The following ASTN2 variants were observed in gnomAD, a reference collection of about 807,000 sequenced individuals.
ASTN2 encodes the protein astrotactin-2.
Under a neutral mutation model 139.8 loss-of-function variants are expected in ASTN2, and 54 were observed. That is an observed-to-expected ratio of 0.39 (90% confidence interval 0.31 to 0.48). ASTN2 has a LOEUF of 0.48. Ranked by LOEUF, ASTN2 falls within the 20% of genes least tolerant of loss-of-function variation. The pLI, the probability that ASTN2 is intolerant of heterozygous loss-of-function variation, is 0.95. For missense variants in ASTN2, 1,565 were observed against 1,725.1 expected (o/e 0.91, Z 1.64); for synonymous variants, 756 against 719.5 (o/e 1.05, Z -0.81).
intron 7 of ASTN2, among the ~76,000 whole-genome samples, chr9:117,001,822 T>A (rs1837197929): frequency 6.6e-6 from 1 of 152,172 alleles, no homozygotes; most frequent in South Asian, 2.1e-4. Context: ...TACTACACTG[T>A]GTTTTTGATA....
chr9:116,557,651 G>T (rs1239663209), intron 19 of ASTN2: 1 of 152,130 alleles, frequency 6.6e-6, no homozygotes, highest in Non-Finnish European at 1.5e-5. Context: ...GGAACCACAG[G>T]TTGGTACAGA....
At chr9:116,892,839 G>A (rs1311217868) in intron 10 of ASTN2, among the ~76,000 whole-genome samples, 1 of 151,960 alleles carries the variant, frequency 6.6e-6, no homozygotes, top group Non-Finnish European at 1.5e-5. Flanking sequence ...AAAAATAAAG[G>A]CACCCAATTA....
intron 13 of ASTN2, among the ~76,000 whole-genome samples, chr9:116,751,255 G>A (rs138256720): frequency 2.6e-4 from 39 of 152,284 alleles, no homozygotes; most frequent in East Asian, 1.5e-3. Context: ...TTCATGGGGT[G>A]GTAAAAGGAA....
At chr9:117,254,962 T>C (rs1833644564) in intron 2 of ASTN2, among the ~76,000 whole-genome samples, 1 of 152,216 alleles carries the variant, frequency 6.6e-6, no homozygotes, top group African/African-American at 2.4e-5. Flanking sequence ...TTTCAAAAAG[T>C]ACTGATATAA....
intron 20 of ASTN2, among the ~76,000 whole-genome samples, chr9:116,476,917 C>T (rs1354523718): frequency 2.0e-5 from 3 of 152,190 alleles, no homozygotes; most frequent in African/African-American, 7.2e-5. Flanking sequence ...CCTCCAGTGC[C>T]CTTCCTGGCT....
intron 16 of ASTN2, among the ~76,000 whole-genome samples, chr9:116,713,187 A>C (rs2132098956): frequency 6.6e-6 from 1 of 152,332 alleles, no homozygotes; most frequent in Non-Finnish European, 1.5e-5. Flanking sequence ...TGTTAAATTA[A>C]GGATCTTTCT....
chr9:116,706,418 G>A (rs1402817355), intron 16 of ASTN2, among the ~76,000 whole-genome samples: 1 of 152,016 alleles, frequency 6.6e-6, no homozygotes, highest in Non-Finnish European at 1.5e-5. Context: ...GTGCCTGGTG[G>A]AAGTTCAAAC....
intron 11 of ASTN2, among the ~76,000 whole-genome samples, chr9:116,857,561 T>C (rs1832772892): frequency 6.6e-6 from 1 of 152,202 alleles, no homozygotes; most frequent in African/African-American, 2.4e-5. Flanking sequence ...GCTGATGCTA[T>C]GGGGCCATTA....
intron 10 of ASTN2, among the ~76,000 whole-genome samples, chr9:116,885,376 C>G (rs376291956): frequency 6.6e-6 from 1 of 152,152 alleles, no homozygotes; most frequent in Non-Finnish European, 1.5e-5. Flanking sequence ...GACCTTATCT[C>G]AACGGAGCAC....
At chr9:117,378,891 G>C (rs1830193593) in intron 1 of ASTN2, among the ~76,000 whole-genome samples, 1 of 152,164 alleles carries the variant, frequency 6.6e-6, no homozygotes, top group Non-Finnish European at 1.5e-5. Context: ...TTCATGAATG[G>C]TTTAGCACCA....
chr9:117,235,349 C>T (rs1444782074), intron 2 of ASTN2, among the ~76,000 whole-genome samples: 1 of 152,088 alleles, frequency 6.6e-6, no homozygotes, highest in Non-Finnish European at 1.5e-5. Flanking sequence ...AATCAATCCT[C>T]ATTGGAAATC....
At chr9:117,267,744 T>C (rs1285506286) in intron 2 of ASTN2, among the ~76,000 whole-genome samples, 1 of 152,236 alleles carries the variant, frequency 6.6e-6, no homozygotes, top group South Asian at 2.1e-4. Flanking sequence ...ACTTTGTTGA[T>C]ACCTTTGCCT....
chr9:116,862,807 TACACACACACAC>T (rs751612533), intron 11 of ASTN2, among the ~76,000 whole-genome samples: 1 of 90,810 alleles, frequency 1.1e-5, no homozygotes, highest in African/African-American at 4.3e-5. Context: ...CACACACAAA[TACACACACACAC>T]ACACACACAC....
chr9:117,066,464 T>C (rs990371925), intron 5 of ASTN2, among the ~76,000 whole-genome samples: 10 of 147,722 alleles, frequency 6.8e-5, no homozygotes, highest in Middle Eastern at 3.5e-3. Context: ...TTGTGAATAA[T>C]GCTGCAATAA....
At chr9:117,298,116 C>T (rs992939659) in intron 1 of ASTN2, among the ~76,000 whole-genome samples, 2 of 152,280 alleles carry the variant, frequency 1.3e-5, no homozygotes, top group African/African-American at 4.8e-5. Context: ...GCTCAAAACC[C>T]TCCAATGTTT....
At chr9:116,712,405 T>C (rs956212231) in intron 16 of ASTN2, among the ~76,000 whole-genome samples, 8 of 152,224 alleles carry the variant, frequency 5.3e-5, no homozygotes, top group Admixed American at 5.2e-4. Context: ...ATGAGCTCTC[T>C]GAAGGCAAGG....
At chr9:117,056,538 T>C (rs76679744) in intron 5 of ASTN2, among the ~76,000 whole-genome samples, 48 of 152,268 alleles carry the variant, frequency 3.2e-4, no homozygotes, top group Non-Finnish European at 5.7e-4. Context: ...TGTGTCAGGA[T>C]ACATGCTTGG....
At chr9:116,915,406 C>G (rs1834415215) in intron 10 of ASTN2, among the ~76,000 whole-genome samples, 1 of 152,132 alleles carries the variant, frequency 6.6e-6, no homozygotes, top group South Asian at 2.1e-4. Context: ...TGACATAGAG[C>G]TCCCAAAACC....
intron 16 of ASTN2, among the ~76,000 whole-genome samples, chr9:116,673,697 A>G (rs750930080): frequency 6.6e-6 from 1 of 152,228 alleles, no homozygotes; most frequent in Non-Finnish European, 1.5e-5. Flanking sequence ...TGGGGCCACC[A>G]GAAGTTGGAA....
Sources: gnomAD v4.1 joint callset for allele counts (sites outside exome capture counted in the v4.1 genomes callset) on GRCh38, gnomAD v4.1.1 for gene constraint, MANE v1.5 for transcripts, NCBI Gene and HGNC (gene_info 2026-07-23, HGNC 2026-07-21) for gene names.